NELFB: variants seen among roughly 807,000 people sequenced by gnomAD.
NELFB encodes negative elongation factor B.
NELFB carries 34 observed loss-of-function variants against 60.2 expected under a neutral mutation model. That is an observed-to-expected ratio of 0.56 (90% CI 0.43 to 0.75). The LOEUF is 0.75. Ranked by LOEUF, NELFB falls within the 30% of genes least tolerant of loss-of-function variation. The pLI is 0.00. For missense variants in NELFB, 770 were observed against 831.6 expected, an observed-to-expected ratio of 0.93 and a Z score of 0.91; for synonymous variants, 459 against 382.1, an observed-to-expected ratio of 1.20 and a Z score of -2.35.
rs758899047 is a variant in NELFB, at chr9:137,267,228, C to T, written c.1383-12C>T. ...TGGGGCTGAGGTGGGGCTGATGGCG[C>T]CCCGGGCGCAGGTTTCTGCAGGAGC... On this transcript the variant is annotated splice_polypyrimidine_tract_variant and intron_variant, in intron 9 of 12. Transcript: ENST00000343053. The T allele has an allele frequency of 2.5e-6, 4 of 1,609,536 alleles. No individual in the cohort carries two copies. Among genetic ancestry groups the T allele is most frequent in the African/African-American group, 2.7e-5 (2 of 74,742 alleles).
chr9:137,258,799 ATAAGT>A (rs1166579952), intron 4 of NELFB, among the ~76,000 whole-genome samples: 1 of 152,148 alleles, frequency 6.6e-6, no homozygotes, highest in African/African-American at 2.4e-5. Flanking sequence ...AAAGCGAACT[ATAAGT>A]TAAGATTTTT....
At chr9:137,264,065 T>C (rs1830489166) in intron 5 of NELFB, among the ~76,000 whole-genome samples, 180 bp from the exon 6 acceptor site, 1 of 152,234 alleles carries the variant, frequency 6.6e-6, no homozygotes, top group Non-Finnish European at 1.5e-5. Context: ...GTCCTGACCC[T>C]GCTGCTTTGG....
At chr9:137,261,766 GGCAA>G (rs1830449717) in intron 4 of NELFB, among the ~76,000 whole-genome samples, 1 of 152,030 alleles carries the variant, frequency 6.6e-6, no homozygotes, top group Admixed American at 6.6e-5. Context: ...AAAGACACAA[GGCAA>G]AGAAATGAAA....
At chr9:137,263,748 C>T (rs1830485624) in intron 5 of NELFB, among the ~76,000 whole-genome samples, 1 of 152,026 alleles carries the variant, frequency 6.6e-6, no homozygotes, top group Admixed American at 6.6e-5. Context: ...TTCTGTGTTC[C>T]CGAGGGCTGT....
rs1480953553 is a variant in NELFB at position 137,266,436 on chromosome 9, C to T, written c.1239+10C>T. 1.2e-6 allele frequency: 2 copies of T among 1,610,518 alleles called. No individual in the cohort carries two copies. Among genetic ancestry groups the T allele is most frequent in the African/African-American group, 2.7e-5 (2 of 74,884 alleles). ...CAAGGAGCCCAAGATGGTAACGAGC[C>T]TCCTGTGGGGGCTGCCAGTTTCCTA... is the stretch of plus-strand genomic sequence containing the variant. On this transcript the variant is annotated intron_variant, in intron 8 of 12. Coordinates refer to ENST00000343053, the MANE Select transcript of NELFB (RefSeq NM_015456.5).
intron 4 of NELFB, among the ~76,000 whole-genome samples, chr9:137,261,358 TAAA>T (rs1164222280): frequency 9.9e-5 from 8 of 81,182 alleles, no homozygotes; most frequent in African/African-American, 3.9e-4. Flanking sequence ...AAAAAAAAAG[TAAA>T]AAAAAAAAAA....
rs1213484927 is a variant in NELFB at position 137,255,891 on chromosome 9, C to T, written c.247-16C>T. 4 of 1,612,338 alleles carry T rather than the reference C, an allele frequency of 2.5e-6. No homozygotes were observed. The highest frequency in any genetic ancestry group is 2.2e-5 in the East Asian group (1 of 44,846). ...GCGCACTGGGCTGCGTTTGAGGTTT[C>T]TCTTGGCTTCCTCAGACAGAGAATG... On this transcript the variant is annotated splice_polypyrimidine_tract_variant and intron_variant, in intron 1 of 12. Coordinates refer to ENST00000343053, the MANE Select transcript of NELFB (RefSeq NM_015456.5).
In NELFB at chr9:137,273,465, G is replaced by C. The variant is rs1830610472; in HGVS notation, c.*537G>C. 1 of 153,030 alleles carries C rather than the reference G, an allele frequency of 6.5e-6. No individual in the cohort carries two copies. The highest frequency in any genetic ancestry group is 2.4e-5 in the African/African-American group (1 of 41,600). 9.5% of individuals were successfully genotyped at this position (153,030 alleles called of 1,614,324 possible). A position where few individuals can be genotyped will look rare whatever the true frequency, so the allele number is the denominator to read the frequency against. On this transcript the variant is annotated 3_prime_UTR_variant, in exon 13 of 13. Transcript: ENST00000343053. ...TTGTTTCTCCTTGCCCAGCAGTGCT[G>C]CCTTCAGCGGCCGTGACGGGGCCAG...
rs1332496975 is a variant in NELFB at position 137,269,834 on chromosome 9, C to T, written c.1490-2247C>T. Among the ~76,000 whole-genome samples, 1 of 152,234 alleles carries T rather than the reference C, an allele frequency of 6.6e-6. No homozygotes were observed. Among genetic ancestry groups the T allele is most frequent in the Non-Finnish European group, 1.5e-5 (1 of 68,042 alleles). On this transcript the variant is annotated intron_variant, in intron 10 of 12. Coordinates refer to ENST00000343053, the MANE Select transcript of NELFB (RefSeq NM_015456.5). The surrounding 1 kb of genome is among the most constrained non-coding windows in gnomAD (Gnocchi z 5.3). ...AGAAACAGGCTGGGAACCAGGAGTG[C>T]AGCTTCTCGGAGTACGTGGCTGCCC...
intron 10 of NELFB, among the ~76,000 whole-genome samples, chr9:137,270,300 AG>A (rs1437005391): frequency 1.4e-5 from 2 of 146,074 alleles, no homozygotes; most frequent in African/African-American, 5.1e-5. Flanking sequence ...AAAAAAAAAA[AG>A]GGCGGGGAGC....
chr9:137,256,337 A>C lies in NELFB; in HGVS notation c.419A>C (p.Lys140Thr). 6.2e-7 allele frequency: 1 copy of C among 1,613,972 alleles called. No homozygotes were observed. The highest frequency in any genetic ancestry group is 8.5e-7 in the Non-Finnish European group (1 of 1,179,954). Residue 140 changes from lysine (K) to threonine (T), a missense_variant, in exon 3 of 13, where the codon AAG becomes ACG. Transcript: ENST00000343053. ...CCTGTGAGTTGTTCCAGGTACAAGA[A>C]GCTGGAAGACCTTCTGGAGAAGAGC... is the stretch of plus-strand genomic sequence containing the variant.
intron 5 of NELFB, among the ~76,000 whole-genome samples, 158 bp from the exon 6 acceptor site, chr9:137,264,087 G>A (rs1177229632): frequency 6.6e-6 from 1 of 152,212 alleles, no homozygotes; most frequent in African/African-American, 2.4e-5. Context: ...CGGGAGGTGT[G>A]GGGAACACTG....
intron 4 of NELFB, 40 bp downstream of exon 4, chr9:137,257,094 G>A: frequency 6.4e-7 from 1 of 1,554,562 alleles, no homozygotes; most frequent in Non-Finnish European, 8.8e-7. Context: ...GCACCTCTTG[G>A]GGATGCCACG....
At chr9:137,263,798 C>T (rs958489644) in intron 5 of NELFB, among the ~76,000 whole-genome samples, 1 of 152,166 alleles carries the variant, frequency 6.6e-6, no homozygotes, top group African/African-American at 2.4e-5. Flanking sequence ...CCCCAGCTTC[C>T]TCCCATCTTT....
At chr9:137,271,976 C>A in intron 10 of NELFB, 105 bp from the exon 11 acceptor site, 1 of 1,448,914 alleles carries the variant, frequency 6.9e-7, no homozygotes. Context: ...TGAGAACTCT[C>A]ATGTGAGCAC....
chr9:137,260,172 C>T (rs1830415564), intron 4 of NELFB, among the ~76,000 whole-genome samples: 1 of 151,138 alleles, frequency 6.6e-6, no homozygotes, highest in Admixed American at 6.6e-5. Flanking sequence ...GCCTCAGCCT[C>T]CCGAGTGGCT....
intron 6 of NELFB, 113 bp downstream of exon 6, chr9:137,264,470 C>G (rs1412859372): frequency 3.2e-5 from 25 of 787,434 alleles, no homozygotes; most frequent in Non-Finnish European, 4.7e-5. Context: ...ATTGCTTTTT[C>G]TTTTGTTTTT....
chr9:137,266,075 G>A (rs914720760), intron 7 of NELFB, 96 bp downstream of exon 7: 4 of 996,962 alleles, frequency 4.0e-6, no homozygotes, highest in Non-Finnish European at 6.1e-6. Flanking sequence ...GCCAGGTGGA[G>A]GCAGCTGTTG....
intron 11 of NELFB, 32 bp from the exon 12 acceptor site, chr9:137,272,475 C>T: frequency 1.9e-6 from 3 of 1,587,236 alleles, no homozygotes; most frequent in South Asian, 2.3e-5. Flanking sequence ...CAGGGCCTGC[C>T]TCCTGCCCCA....
Sources: gnomAD v4.1 joint callset for allele counts (sites outside exome capture counted in the v4.1 genomes callset) on GRCh38, gnomAD v4.1.1 for gene constraint, Gnocchi (gnomAD v3.1) non-coding constraint, MANE v1.5 for transcripts, NCBI Gene and HGNC (gene_info 2026-07-23, HGNC 2026-07-21) for gene names.